LAMA2: variants seen among roughly 807,000 people sequenced by gnomAD.
LAMA2 encodes laminin subunit alpha-2.
In LAMA2, 269 loss-of-function variants were observed where a neutral mutation model predicts 364.8. The ratio of observed to expected loss-of-function variants is 0.74; its 90% CI spans 0.67 to 0.82. LAMA2 has a LOEUF of 0.82. LAMA2 is among the 40% of genes least tolerant of loss of function. The pLI is 0.00. For synonymous variants in LAMA2, 1,379 were observed against 1,370.6 expected, an observed-to-expected ratio of 1.01 and a Z score of -0.14; for missense variants, 3,807 against 3,873.2, an observed-to-expected ratio of 0.98 and a Z score of 0.45.
rs79103239 is a variant in LAMA2 at position 129,129,031 on chromosome 6, A to G, written c.640-14870A>G. Among the ~76,000 whole-genome samples, 1,358 of 152,334 alleles carry G rather than the reference A, an allele frequency of 8.9e-3. 27 individuals carry two copies. Among genetic ancestry groups the G allele is most frequent in the African/African-American group, 0.032 (1,312 of 41,578 alleles). On this transcript the variant is annotated intron_variant, in intron 4 of 64. Coordinates refer to ENST00000421865, the MANE Select transcript of LAMA2 (RefSeq NM_000426.4). ...AGGATACTGAAGCTGAAAGGAGCCC[A>G]GCAATTCTGGGTGATGGAGGAAATA...
At chr6:129,510,321 C>G (rs1371414931) in intron 62 of LAMA2, among the ~76,000 whole-genome samples, 1 of 152,052 alleles carries the variant, frequency 6.6e-6, no homozygotes, top group Non-Finnish European at 1.5e-5. Flanking sequence ...CAACAGCAAA[C>G]AATCAGAAAA....
intron 14 of LAMA2, among the ~76,000 whole-genome samples, chr6:129,257,739 C>T (rs1234062961): frequency 6.6e-6 from 1 of 152,040 alleles, no homozygotes; most frequent in African/African-American, 2.4e-5. Flanking sequence ...TAATTCCAGG[C>T]AGTTAGATTT....
rs1214826895 is a variant in LAMA2 at position 128,962,185 on chromosome 6, T to TATATATATACAC, written c.112+78829_112+78830insTATATATACACA. 3.7e-4 allele frequency among the ~76,000 whole-genome samples: 38 copies of TATATATATACAC among 103,928 alleles called. 1 individual carries two copies. Among genetic ancestry groups the TATATATATACAC allele is most frequent in the African/African-American group, 5.9e-4 (16 of 26,970 alleles). The allele number at this position is 103,928 out of a possible 152,430, so 68.2% of individuals were successfully genotyped here. On this transcript the variant is annotated intron_variant, in intron 1 of 64. Coordinates refer to ENST00000421865, the MANE Select transcript of LAMA2 (RefSeq NM_000426.4). ...ATATATATATATATATATATATATA[T>TATATATATACAC]ACACACATACACACACACATACACA...
At chr6:129,211,527 T>C (rs1044535549) in intron 12 of LAMA2, among the ~76,000 whole-genome samples, 3 of 152,206 alleles carry the variant, frequency 2.0e-5, no homozygotes, top group Non-Finnish European at 2.9e-5. Flanking sequence ...ATTCTGGACT[T>C]ATAACTCCCT....
intron 40 of LAMA2, among the ~76,000 whole-genome samples, chr6:129,422,753 T>C (rs550555299): frequency 5.3e-4 from 80 of 152,208 alleles, no homozygotes; most frequent in African/African-American, 1.9e-3. Flanking sequence ...TACTTGTGAA[T>C]TCCACCAAAT....
intron 2 of LAMA2, among the ~76,000 whole-genome samples, chr6:129,052,394 C>T (rs892058101): frequency 1.3e-5 from 2 of 151,454 alleles, no homozygotes; most frequent in Non-Finnish European, 2.9e-5. Context: ...GTGATATGCC[C>T]GCCTCGGCCT....
Position 129,353,290 on chromosome 6 carries a change from T to A in LAMA2, c.4650T>A (p.Pro1550=), listed in dbSNP as rs545186322. The A allele has an allele frequency of 6.8e-5, 110 of 1,614,074 alleles. 1 individual carries two copies. The South Asian group carries it at 1.1e-3, about 17-fold the overall frequency. ...TCACAGGATTCTGCACGTGCCGACC[T>A]GGAGCCACGGGAAGGAAGTGTGACG... The part of the protein sequence containing the change: ...DPVTGFCTCR[P]GATGRKCDGC... The change falls in exon 32 of 65, where the codon CCT becomes CCA. Residue 1550 remains proline, a synonymous_variant. Coordinates refer to ENST00000421865, the MANE Select transcript of LAMA2 (RefSeq NM_000426.4).
At chr6:129,237,955 C>T (rs1034025847) in intron 12 of LAMA2, among the ~76,000 whole-genome samples, 6 of 148,420 alleles carry the variant, frequency 4.0e-5, no homozygotes, top group Non-Finnish European at 7.4e-5. Context: ...GCCATGAGTT[C>T]GAGACCTGCC....
At position 128,993,933 on chromosome 6, in the gene LAMA2, G is replaced by A. The variant is rs56382803; in HGVS notation, c.113-55985G>A. ...AATACATTATAATGTTAAAGAACTG[G>A]TAGCATATTAATTTCAAGTGAGAGT... On this transcript the variant is annotated intron_variant, in intron 1 of 64. Coordinates refer to ENST00000421865, the MANE Select transcript of LAMA2 (RefSeq NM_000426.4). Among the ~76,000 whole-genome samples the A allele has an allele frequency of 3.5e-3, 527 of 152,284 alleles. 3 individuals are homozygous for A. Among genetic ancestry groups the A allele is most frequent in the African/African-American group, 0.012 (508 of 41,560 alleles).
intron 12 of LAMA2, among the ~76,000 whole-genome samples, chr6:129,232,626 G>A (rs1475307032): frequency 1.3e-5 from 2 of 151,848 alleles, no homozygotes; most frequent in African/African-American, 4.8e-5. Context: ...TCTTTATATT[G>A]ACTGATTTGT....
intron 3 of LAMA2, among the ~76,000 whole-genome samples, chr6:129,082,105 A>T (rs1444154950): frequency 6.6e-6 from 1 of 152,154 alleles, no homozygotes; most frequent in Non-Finnish European, 1.5e-5. Context: ...AGTAGAAATT[A>T]TATATTATCC....
At chr6:129,483,061 C>T (rs1314455057) in intron 55 of LAMA2, among the ~76,000 whole-genome samples, 3 of 126,652 alleles carry the variant, frequency 2.4e-5, no homozygotes, top group Admixed American at 1.6e-4. Context: ...TGTGAGACTC[C>T]GACTCGAAAA....
At chr6:129,042,028 G>A (rs1787136920) in intron 1 of LAMA2, among the ~76,000 whole-genome samples, 1 of 147,306 alleles carries the variant, frequency 6.8e-6, no homozygotes. Context: ...GTTAATGCCA[G>A]GCGTGGTGAC....
intron 40 of LAMA2, among the ~76,000 whole-genome samples, chr6:129,415,187 T>C (rs1194467662): frequency 2.6e-5 from 4 of 152,190 alleles, no homozygotes; most frequent in Non-Finnish European, 5.9e-5. Flanking sequence ...AACTTTGATA[T>C]TGTGATGGTC....
intron 40 of LAMA2, among the ~76,000 whole-genome samples, chr6:129,410,647 G>A (rs1408464544): frequency 1.3e-5 from 2 of 152,134 alleles, no homozygotes; most frequent in Admixed American, 6.5e-5. Flanking sequence ...ATTGATAGAT[G>A]ACAGATAGAT....
Position 129,405,380 on chromosome 6 carries a change from C to T in LAMA2, c.5865+1421C>T, listed in dbSNP as rs1562534395. ...TGATAAGGAGGTGTTTAATTTTACC[C>T]TAATTTAATACCTTTAGGAAAAATC... is the stretch of plus-strand genomic sequence containing the variant. On this transcript the variant is annotated intron_variant, in intron 40 of 64. Transcript: ENST00000421865. Among the ~76,000 whole-genome samples, 3 of 152,008 alleles carry T rather than the reference C, an allele frequency of 2.0e-5. No individual in the cohort carries two copies. The South Asian group carries it at 6.2e-4, about 31-fold the overall frequency.
At chr6:129,407,544 C>T (rs975199505) in intron 40 of LAMA2, among the ~76,000 whole-genome samples, 6 of 152,178 alleles carry the variant, frequency 3.9e-5, no homozygotes, top group Admixed American at 2.0e-4. Flanking sequence ...CATGCACAAA[C>T]ATATTCTTAA....
intron 1 of LAMA2, chr6:128,929,911 C>T (rs1411590949): frequency 3.1e-5 from 26 of 846,648 alleles, no homozygotes; most frequent in Non-Finnish European, 2.2e-5. Context: ...TGTGCAGGTA[C>T]GCAGCAAGCA....
At chr6:128,925,385 TCTG>T (rs1297823848) in intron 1 of LAMA2, among the ~76,000 whole-genome samples, 4 of 152,212 alleles carry the variant, frequency 2.6e-5, no homozygotes, top group African/African-American at 9.6e-5. Context: ...TTGAGGACAT[TCTG>T]CTAAGTGAAA....
Sources: gnomAD v4.1 joint callset for allele counts (sites outside exome capture counted in the v4.1 genomes callset) on GRCh38, gnomAD v4.1.1 for gene constraint, MANE v1.5 for transcripts, NCBI Gene and HGNC (gene_info 2026-07-23, HGNC 2026-07-21) for gene names.